AKAP13: variants seen among roughly 807,000 people sequenced by gnomAD.
AKAP13 encodes A-kinase anchor protein 13.
A neutral mutation model predicts 264.5 loss-of-function variants in AKAP13; 80 were observed. That is an observed-to-expected ratio of 0.30 (90% CI 0.25 to 0.36). AKAP13 has a LOEUF of 0.36. AKAP13 is among the 10% of genes least tolerant of loss of function. AKAP13 has a pLI of 1.00. For synonymous variants in AKAP13, 1,380 were observed against 1,250.2 expected, an observed-to-expected ratio of 1.10 and a Z score of -2.19; for missense variants, 3,712 against 3,435.2, an observed-to-expected ratio of 1.08 and a Z score of -2.01.
rs1053362830 is a variant in AKAP13, at chr15:85,736,070, G to A, written c.7513-20G>A. ...CATCAAGATCTTCATTTTTTTATAT[G>A]TATGTTTTTTGTTTTATAGGGTGGA... On this transcript the variant is annotated intron_variant, in intron 32 of 36. Transcript: ENST00000394518. 1 of 1,563,764 alleles carries A rather than the reference G, an allele frequency of 6.4e-7. No homozygotes were observed. Among genetic ancestry groups the A allele is most frequent in the South Asian group, 1.1e-5 (1 of 89,378 alleles).
intron 10 of AKAP13, among the ~76,000 whole-genome samples, chr15:85,647,947 C>CA (rs965958301): frequency 3.3e-5 from 5 of 151,598 alleles, no homozygotes; most frequent in Admixed American, 1.3e-4. Flanking sequence ...AAAAACAAAA[C>CA]AAAAAAAACT....
chr15:85,508,427 G>A (rs749377716), intron 2 of AKAP13, among the ~76,000 whole-genome samples: 18 of 151,870 alleles, frequency 1.2e-4, no homozygotes, highest in Admixed American at 7.9e-4. Flanking sequence ...ACAGACGTGC[G>A]CTATCGTGCC....
intron 5 of AKAP13, among the ~76,000 whole-genome samples, chr15:85,573,892 C>T (rs933363095): frequency 5.3e-5 from 8 of 152,088 alleles, no homozygotes; most frequent in Non-Finnish European, 8.8e-5. Context: ...AGGCAGTATC[C>T]GTGTGTGATT....
intron 8 of AKAP13, among the ~76,000 whole-genome samples, chr15:85,597,476 C>T (rs1180530449): frequency 6.6e-6 from 1 of 152,210 alleles, no homozygotes; most frequent in Non-Finnish European, 1.5e-5. Flanking sequence ...TGGTCAGTGA[C>T]TTTCCTCTAC....
chr15:85,690,520 A>G (rs2085220742), intron 16 of AKAP13, among the ~76,000 whole-genome samples: 1 of 152,204 alleles, frequency 6.6e-6, no homozygotes, highest in Non-Finnish European at 1.5e-5. Flanking sequence ...AAAGTGAAGG[A>G]GTTTTTCTCC....
intron 1 of AKAP13, among the ~76,000 whole-genome samples, chr15:85,438,281 A>G (rs2073428382): frequency 7.3e-6 from 1 of 137,684 alleles, no homozygotes; most frequent in Non-Finnish European, 1.5e-5. Context: ...GACCTCTTCA[A>G]GGAGAACTAC....
intron 30 of AKAP13, among the ~76,000 whole-genome samples, chr15:85,732,830 T>A (rs1179189789): frequency 6.6e-6 from 1 of 151,284 alleles, no homozygotes; most frequent in Non-Finnish European, 1.5e-5. Context: ...TACTAATTAC[T>A]ATTGCTAATA....
At chr15:85,419,658 G>A (rs1596108462) in intron 1 of AKAP13, among the ~76,000 whole-genome samples, 1 of 152,088 alleles carries the variant, frequency 6.6e-6, no homozygotes, top group African/African-American at 2.4e-5. Flanking sequence ...TAGAGAGATG[G>A]TTAACCAGTA....
At chr15:85,382,603 C>T (rs1196677123) in intron 1 of AKAP13, among the ~76,000 whole-genome samples, 3 of 152,186 alleles carry the variant, frequency 2.0e-5, no homozygotes, top group Non-Finnish European at 4.4e-5. Flanking sequence ...TGCTTTCCTT[C>T]TCTGGGCGGT....
At chr15:85,613,246 A>C (rs2080751858) in intron 8 of AKAP13, among the ~76,000 whole-genome samples, 2 of 152,208 alleles carry the variant, frequency 1.3e-5, no homozygotes, top group Admixed American at 6.5e-5. Flanking sequence ...TGATAGGTTG[A>C]ATAGGAGAAT....
chr15:85,703,217 T>C (rs2086031843), intron 17 of AKAP13, among the ~76,000 whole-genome samples: 1 of 152,224 alleles, frequency 6.6e-6, no homozygotes, highest in South Asian at 2.1e-4. Context: ...AGTTCATTGC[T>C]TATATGAGAG....
chr15:85,573,417 G>A (rs1412722579), intron 5 of AKAP13, among the ~76,000 whole-genome samples: 2 of 152,054 alleles, frequency 1.3e-5, no homozygotes, highest in Admixed American at 6.6e-5. Flanking sequence ...GTGGTGGGAC[G>A]CGCCTGTAAT....
At chr15:85,492,142 A>T (rs894073597) in intron 2 of AKAP13, among the ~76,000 whole-genome samples, 10 of 152,254 alleles carry the variant, frequency 6.6e-5, no homozygotes, top group African/African-American at 2.4e-4. Context: ...AGACTTGCAG[A>T]AATAAAATCC....
At chr15:85,432,098 C>A (rs898103725) in intron 1 of AKAP13, among the ~76,000 whole-genome samples, 31 of 150,944 alleles carry the variant, frequency 2.1e-4, no homozygotes, top group Non-Finnish European at 1.8e-4. Context: ...GTTCTCATTT[C>A]TTTTTTTTTA....
At chr15:85,446,181 G>A (rs944221453) in intron 1 of AKAP13, among the ~76,000 whole-genome samples, 2 of 152,136 alleles carry the variant, frequency 1.3e-5, no homozygotes, top group Non-Finnish European at 2.9e-5. Context: ...CCAGAGAATT[G>A]ACACATACTA....
intron 8 of AKAP13, among the ~76,000 whole-genome samples, chr15:85,623,453 C>T (rs1000942146): frequency 9.2e-5 from 14 of 152,222 alleles, no homozygotes; most frequent in African/African-American, 3.1e-4. Context: ...TGTAGATTAG[C>T]TTCAGCATTC....
chr15:85,417,391 A>C (rs2072291619), intron 1 of AKAP13, among the ~76,000 whole-genome samples: 1 of 152,188 alleles, frequency 6.6e-6, no homozygotes, highest in East Asian at 1.9e-4. Context: ...TTTTGGTGGA[A>C]TCGAAATAGC....
At chr15:85,495,475 G>C (rs768642467) in intron 2 of AKAP13, among the ~76,000 whole-genome samples, 3 of 152,122 alleles carry the variant, frequency 2.0e-5, no homozygotes, top group Non-Finnish European at 4.4e-5. Flanking sequence ...AGATTCTTCA[G>C]TTATAAACTT....
chr15:85,490,577 G>A, intron 2 of AKAP13, among the ~76,000 whole-genome samples: 1 of 152,224 alleles, frequency 6.6e-6, no homozygotes, highest in East Asian at 1.9e-4. Context: ...AAGACAAAGT[G>A]AGTCAAGAAA....
Sources: gnomAD v4.1 joint callset for allele counts (sites outside exome capture counted in the v4.1 genomes callset) on GRCh38, gnomAD v4.1.1 for gene constraint, MANE v1.5 for transcripts, NCBI Gene and HGNC (gene_info 2026-07-23, HGNC 2026-07-21) for gene names.